The following RALGDS variants were observed in gnomAD, a reference collection of about 807,000 sequenced individuals.
The protein encoded by RALGDS is ral guanine nucleotide exchange factor.
In RALGDS, 44 loss-of-function variants were observed where a neutral mutation model predicts 99.8. The observed-to-expected ratio is 0.44, with a 90% confidence interval of 0.35 to 0.57. The LOEUF is 0.57. Ranked by LOEUF, RALGDS falls within the 20% of genes least tolerant of loss-of-function variation. The pLI is 0.01. For synonymous variants in RALGDS, 529 were observed against 505.0 expected (o/e 1.05, Z -0.64); for missense variants, 1,022 against 1,203.1 (o/e 0.85, Z 2.23).
chr9:133,099,070 C>G, intron 17 of RALGDS: 1 of 386,720 alleles, frequency 2.6e-6, no homozygotes. Flanking sequence ...CCACCTGGAA[C>G]AGGCTTTCTA....
intron 1 of RALGDS, among the ~76,000 whole-genome samples, chr9:133,114,538 C>T (rs549064544): frequency 2.9e-4 from 44 of 152,354 alleles, no homozygotes; most frequent in African/African-American, 1.0e-3. Flanking sequence ...GGTTCCAGCA[C>T]CCACAGGCCA....
upstream of RALGDS, chr9:133,131,217 T>C: frequency 1.9e-6 from 2 of 1,080,578 alleles, no homozygotes; most frequent in Non-Finnish European, 1.1e-6. Context: ...AGCAGACAGT[T>C]CAGGGCCTGG....
intron 6 of RALGDS, 71 bp from the exon 7 acceptor site, chr9:133,107,371 G>A (rs1564234031): frequency 3.0e-6 from 4 of 1,333,178 alleles, no homozygotes; most frequent in Admixed American, 3.9e-5. Context: ...AGCTGAGGAT[G>A]CAGCTTGAGC....
chr9:133,098,062 C>T lies in RALGDS; in HGVS notation c.*525G>A, dbSNP rs1041857476. 21 of 258,012 alleles carry T rather than the reference C, an allele frequency of 8.1e-5. No homozygotes were observed. The highest frequency in any genetic ancestry group is 1.5e-4 in the African/African-American group (7 of 45,908). 16.0% of individuals were successfully genotyped at this position (258,012 alleles called of 1,614,324 possible). ...GCTCCCAGGGGAGGGCTGGGGTAAG[C>T]GGTGGGTGAGACTCCCTCACTCTCA... On this transcript the variant is annotated 3_prime_UTR_variant, in exon 18 of 18. Coordinates refer to ENST00000372050, the MANE Select transcript of RALGDS (RefSeq NM_006266.4).
intron 17 of RALGDS, 125 bp downstream of exon 17, chr9:133,100,142 GC>G: frequency 1.1e-6 from 1 of 893,996 alleles, no homozygotes; most frequent in Non-Finnish European, 1.9e-6. Context: ...AGCCAGGGCT[GC>G]CCTGTCCACA....
At chr9:133,105,409 G>A (rs1462393141) in intron 9 of RALGDS, among the ~76,000 whole-genome samples, 1 of 152,174 alleles carries the variant, frequency 6.6e-6, no homozygotes, top group African/African-American at 2.4e-5. Context: ...CTCGGGGCAG[G>A]GTAGGGAAGC....
intron 16 of RALGDS, chr9:133,101,301 A>G: frequency 7.2e-7 from 1 of 1,392,594 alleles, no homozygotes. Context: ...CCGCCCCTTC[A>G]GCTCCTGGGG....
intron 1 of RALGDS, among the ~76,000 whole-genome samples, chr9:133,147,666 T>C (rs7022583): frequency 0.16 from 24,946 of 152,010 alleles, 3,296 homozygotes; most frequent in African/African-American, 0.37. Flanking sequence ...CTCCAATGAG[T>C]ACAGTGGGCA....
rs150763247 is a variant in RALGDS, at chr9:133,106,677, G to A, written c.1485C>T (p.His495=). 1,156 of 1,612,366 alleles carry A rather than the reference G, an allele frequency of 7.2e-4. 8 individuals carry two copies. In the African/African-American group the frequency reaches 0.014, roughly 20 times the overall value. ...ILSALQSNSI[H]RLKKTWEDVS... Reference sequence around the variant, plus strand: ...CGTCTTCCCACGTCTTCTTCAGACGGTGGATGGAGTTGCTCTGCAGGGCAG... The same window carrying A: ...CGTCTTCCCACGTCTTCTTCAGACGATGGATGGAGTTGCTCTGCAGGGCAG... Residue 495 remains histidine (H), a synonymous_variant, in exon 8 of 18, where the codon CAC becomes CAT. Transcript: ENST00000372050.
At chr9:133,101,879 T>C in intron 15 of RALGDS, 59 bp downstream of exon 15, 3 of 1,550,994 alleles carry the variant, frequency 1.9e-6, no homozygotes, top group South Asian at 1.2e-5. Context: ...CCTGGCCCCA[T>C]GCATGGATTT....
At chr9:133,123,420 C>T (rs1034728519), upstream of RALGDS, among the ~76,000 whole-genome samples, 10 of 152,084 alleles carry the variant, frequency 6.6e-5, no homozygotes, top group African/African-American at 2.2e-4. Flanking sequence ...GGTGCTGGGG[C>T]GAGGGGTGGC....
rs1006068619 is a variant in RALGDS at position 133,108,330 on chromosome 9, T to G, written c.855A>C (p.Pro285=). The change falls in exon 6 of 18, where the codon CCA becomes CCC. Residue 285 remains proline (P), a synonymous_variant. Coordinates refer to ENST00000372050, the MANE Select transcript of RALGDS (RefSeq NM_006266.4). ...LALTPARAPS[P]VPAPAPEPEP... is the part of the protein sequence containing the mutation. ...CTGGCTCCGGGGCTGGAGCCGGCAC[T>G]GGGCTGGGTGCTCGAGCTGGTGTTA... The G allele has an allele frequency of 2.5e-5, 39 of 1,543,254 alleles. No individual in the cohort carries two copies. Among genetic ancestry groups the G allele is most frequent in the Non-Finnish European group, 3.2e-5 (37 of 1,147,168 alleles).
At chr9:133,134,148 C>T (rs148370403), upstream of RALGDS, among the ~76,000 whole-genome samples, 16 of 152,312 alleles carry the variant, frequency 1.1e-4, no homozygotes, top group South Asian at 1.4e-3. Context: ...CAGGCCCAGC[C>T]GGCTCTGCTA....
intron 1 of RALGDS, among the ~76,000 whole-genome samples, chr9:133,136,627 A>T (rs999950005): frequency 5.3e-5 from 8 of 152,256 alleles, no homozygotes; most frequent in Non-Finnish European, 8.8e-5. Context: ...TACAAAAATT[A>T]GCCAGGCGTG....
rs746054003 is a variant in RALGDS at position 133,098,610 on chromosome 9, T to G, written c.2722A>C (p.Lys908Gln). ...CCTCAGAAGATGCCCTTGGCAATCT[T>G]GAGTCCTTTCTGCTTCATGCGAGGG... ...TLPRMKQKGL[K>Q]IAKGIF Residue 908 changes from lysine (K) to glutamine (Q), a missense_variant, in exon 18 of 18, where the codon AAG becomes CAG. Lys to Gln is a moderately conservative substitution (Grantham distance 53, BLOSUM62 1). Coordinates refer to ENST00000372050, the MANE Select transcript of RALGDS (RefSeq NM_006266.4). 6.2e-7 allele frequency: 1 copy of G among 1,614,160 alleles called. No homozygotes were observed. The highest frequency in any genetic ancestry group is 1.7e-4 in the Middle Eastern group (1 of 6,054).
intron 1 of RALGDS, chr9:133,148,915 G>A: frequency 6.3e-7 from 1 of 1,591,536 alleles, no homozygotes; most frequent in Non-Finnish European, 8.5e-7. Flanking sequence ...TGGGGCATAC[G>A]GTCCTCCCTC....
intron 1 of RALGDS, chr9:133,129,286 C>A (rs771108883): frequency 1.9e-6 from 3 of 1,593,756 alleles, no homozygotes; most frequent in East Asian, 2.2e-5. Flanking sequence ...GCACGGCAGG[C>A]CTGGCACAAA....
intron 1 of RALGDS, among the ~76,000 whole-genome samples, chr9:133,127,329 C>T (rs1373312294): frequency 2.0e-5 from 3 of 152,270 alleles, no homozygotes; most frequent in Non-Finnish European, 4.4e-5. Flanking sequence ...TGGCCATCAC[C>T]TTTTCCAACC....
At chr9:133,148,020 C>T (rs150752662) in intron 1 of RALGDS, among the ~76,000 whole-genome samples, 29 of 152,326 alleles carry the variant, frequency 1.9e-4, no homozygotes, top group African/African-American at 5.5e-4. Context: ...TGCTTGGCCA[C>T]GCTCTGCACC....
Sources: gnomAD v4.1 joint callset for allele counts (sites outside exome capture counted in the v4.1 genomes callset) on GRCh38, gnomAD v4.1.1 for gene constraint, MANE v1.5 for transcripts, NCBI Gene and HGNC (gene_info 2026-07-23, HGNC 2026-07-21) for gene names.